Variants in NVL observed in about 807,000 individuals in gnomAD.
The protein encoded by NVL is nuclear valosin-containing protein-like.
A neutral mutation model predicts 110.2 loss-of-function variants in NVL; 84 were observed. The ratio of observed to expected loss-of-function variants is 0.76; its 90% CI spans 0.64 to 0.91. NVL has a LOEUF of 0.91. Ranked by LOEUF, NVL falls within the 40% of genes least tolerant of loss-of-function variation. NVL has a pLI of 0.00. For synonymous variants in NVL, 354 were observed against 361.1 expected, an observed-to-expected ratio of 0.98 and a Z score of 0.22; for missense variants, 882 against 1,035.9, an observed-to-expected ratio of 0.85 and a Z score of 2.04.
At chr1:224,306,485 C>A (rs1668929244) in intron 6 of NVL, among the ~76,000 whole-genome samples, 1 of 152,046 alleles carries the variant, frequency 6.6e-6, no homozygotes, top group Non-Finnish European at 1.5e-5. Context: ...CCAGGATGGT[C>A]TCAATCTCCT....
At chr1:224,261,148 A>G (rs1663942389) in intron 18 of NVL, among the ~76,000 whole-genome samples, 1 of 152,034 alleles carries the variant, frequency 6.6e-6, no homozygotes, top group Admixed American at 6.6e-5. Context: ...TGTTGGGATT[A>G]CAGGTGTGAG....
chr1:224,323,611 C>T (rs7548799), intron 2 of NVL, among the ~76,000 whole-genome samples: 2,089 of 152,168 alleles, frequency 0.014, 59 homozygotes, highest in African/African-American at 0.046. Flanking sequence ...TAGGACAGGG[C>T]CAATAAAACC....
intron 18 of NVL, among the ~76,000 whole-genome samples, chr1:224,263,050 T>G (rs1456579802): frequency 6.6e-6 from 1 of 152,040 alleles, no homozygotes; most frequent in Admixed American, 6.6e-5. Flanking sequence ...TTAAAATTGA[T>G]AAGAAATAGC....
chr1:224,227,641 C>T lies in NVL; in HGVS notation c.2556G>A (p.Glu852=), dbSNP rs1269571561. ...GCTGGAGACATCACCGGCTGAGGGA[C>T]TCCTGCAAACGTTCATACATGATTT... is the stretch of plus-strand genomic sequence containing the variant. ...KDQIMYERLQ[E]SLSR The change falls in exon 23 of 23, where the codon GAG becomes GAA. Residue 852 remains glutamate, a synonymous_variant. Coordinates refer to ENST00000281701, the MANE Select transcript of NVL (RefSeq NM_002533.4). 1 of 1,611,414 alleles carries T rather than the reference C, an allele frequency of 6.2e-7. No individual in the cohort carries two copies. The highest frequency in any genetic ancestry group is 1.7e-5 in the Admixed American group (1 of 59,852).
Position 224,227,510 on chromosome 1 carries a change from TA to T in NVL, c.*115del. The stretch of plus-strand genomic sequence containing the variant: ...CAGCTTGGCCTCATTCATTTGAAAA[TA>T]AAATGTTTACATGAGGCCGCGCCTG... On this transcript the variant is annotated 3_prime_UTR_variant, in exon 23 of 23. Transcript: ENST00000281701. The T allele has an allele frequency of 1.4e-6, 1 of 730,488 alleles. No individual in the cohort carries two copies. Among genetic ancestry groups the T allele is most frequent in the Non-Finnish European group, 2.1e-6 (1 of 484,890 alleles). The allele number at this position is 730,488 out of a possible 1,614,324, so 45.3% of individuals were successfully genotyped here. A position where few individuals can be genotyped will look rare whatever the true frequency, so the allele number is the denominator to read the frequency against.
At chr1:224,310,173 C>A in intron 5 of NVL, among the ~76,000 whole-genome samples, 1 of 143,890 alleles carries the variant, frequency 6.9e-6, no homozygotes, top group African/African-American at 2.6e-5. Context: ...AGTGAGACTC[C>A]CTCGCAAAAA....
chr1:224,229,469 C>G (rs2102685042), intron 22 of NVL, among the ~76,000 whole-genome samples: 1 of 151,866 alleles, frequency 6.6e-6, no homozygotes, highest in East Asian at 1.9e-4. Flanking sequence ...GAGTCTCAAT[C>G]TGTCGCCCAG....
chr1:224,292,741 C>T (rs1179572277), intron 12 of NVL, among the ~76,000 whole-genome samples: 1 of 152,052 alleles, frequency 6.6e-6, no homozygotes, highest in Non-Finnish European at 1.5e-5. Flanking sequence ...GTACCCCTTC[C>T]TCATTAAATA....
chr1:224,321,226 T>C (rs776276528), intron 2 of NVL, among the ~76,000 whole-genome samples: 1 of 151,968 alleles, frequency 6.6e-6, no homozygotes, highest in Non-Finnish European at 1.5e-5. Flanking sequence ...ACCTGGATGA[T>C]AGAGCGAGAC....
At position 224,244,362 on chromosome 1, in the gene NVL, C is replaced by A. The variant is rs753289660; in HGVS notation, c.2289+5850G>T. On this transcript the variant is annotated intron_variant, in intron 19 of 22. Transcript: ENST00000281701. ...AGCCTGGGCGACAAGAGCAAAACTCCGTCTCAAAAAAAAAAATTTCTACTT... is the reference window on the plus strand; with the variant it reads ...AGCCTGGGCGACAAGAGCAAAACTCAGTCTCAAAAAAAAAAATTTCTACTT... 4.6e-5 allele frequency among the ~76,000 whole-genome samples: 7 copies of A among 151,022 alleles called. No homozygotes were observed. In the East Asian group the frequency reaches 1.4e-3, roughly 29 times the overall value.
chr1:224,275,458 A>G lies in NVL; in HGVS notation c.1963T>C (p.Tyr655His). Residue 655 changes from tyrosine (Y) to histidine (H), a missense_variant and splice_region_variant, in exon 17 of 23, where the codon TAT becomes CAT. Around this residue, in one of 4 missense-constraint regions of NVL, gnomAD observed 66 missense variants for 127.5 expected, o/e 0.52. Transcript: ENST00000281701. ...ACAGCACGTTCACTCTCACCAACAT[A>G]CTAAACATACACAGAAAGGAAATAA... ...SVKGPELLNM[Y>H]VGESERAVRQ... 6.2e-7 allele frequency: 1 copy of G among 1,614,126 alleles called. No homozygotes were observed. The highest frequency in any genetic ancestry group is 8.5e-7 in the Non-Finnish European group (1 of 1,180,008).
At chr1:224,291,066 T>C (rs544257663) in intron 12 of NVL, among the ~76,000 whole-genome samples, 39 of 152,242 alleles carry the variant, frequency 2.6e-4, no homozygotes, top group Non-Finnish European at 4.6e-4. Context: ...CTGGGCCAGT[T>C]ACTTAATCTT....
intron 17 of NVL, chr1:224,269,936 C>CT (rs11375664): frequency 0.77 from 101,725 of 131,554 alleles, 39,710 homozygotes; most frequent in East Asian, 0.87. Context: ...CTTTTTCTTT[C>CT]TTTTTTTTTT....
rs760806939 is a variant in NVL at position 224,303,801 on chromosome 1, G to A, written c.882C>T (p.Gly294=). 17 of 1,613,658 alleles carry A rather than the reference G, an allele frequency of 1.1e-5. No homozygotes were observed. Among genetic ancestry groups the A allele is most frequent in the East Asian group, 2.2e-5 (1 of 44,828 alleles). The change falls in exon 9 of 23, where the codon GGC becomes GGT. Residue 294 remains glycine, a synonymous_variant. Coordinates refer to ENST00000281701, the MANE Select transcript of NVL (RefSeq NM_002533.4). ...GGAGAACTCCACGAGGGGGCACGAC[G>A]CCCAGGTGGTGGTACACCTCCGGGT... is the stretch of plus-strand genomic sequence containing the variant. ...MRHPEVYHHL[G]VVPPRGVLLH...
At chr1:224,290,105 C>A (rs943585609) in intron 12 of NVL, among the ~76,000 whole-genome samples, 2 of 152,152 alleles carry the variant, frequency 1.3e-5, no homozygotes, top group African/African-American at 4.8e-5. Context: ...CCCCCACATA[C>A]ACACAAACCA....
At chr1:224,272,461 T>C (rs1665223838) in intron 17 of NVL, among the ~76,000 whole-genome samples, 1 of 152,160 alleles carries the variant, frequency 6.6e-6, no homozygotes, top group South Asian at 2.1e-4. Context: ...CTCACATCTG[T>C]AATGCCAGCA....
intron 4 of NVL, chr1:224,312,173 T>TA (rs1490401493): frequency 3.7e-5 from 7 of 189,702 alleles, no homozygotes; most frequent in African/African-American, 1.6e-4. Context: ...TAAATTATAG[T>TA]TATATTTATC....
chr1:224,313,169 A>AG (rs1224207933), intron 4 of NVL: 1 of 285,260 alleles, frequency 3.5e-6, no homozygotes, highest in East Asian at 9.3e-5. Context: ...AAAAAAAAAA[A>AG]AAAAAAAAAA....
chr1:224,286,004 T>C (rs758679892), intron 15 of NVL, 22 bp downstream of exon 15: 33 of 1,540,218 alleles, frequency 2.1e-5, no homozygotes, highest in Non-Finnish European at 2.8e-5. Flanking sequence ...ATAAATTACA[T>C]GCAATTGAAC....
Sources: allele counts gnomAD v4.1 joint callset (sites outside exome capture counted in the v4.1 genomes callset), GRCh38; gene constraint gnomAD v4.1.1; regional missense constraint gnomAD v4.1.1; transcripts MANE v1.5; gene names NCBI Gene and HGNC (gene_info 2026-07-23, HGNC 2026-07-21).